Variants in NDST3 observed in about 807,000 individuals in gnomAD.
The protein encoded by NDST3 is N-deacetylase and N-sulfotransferase 3.
Under a neutral mutation model 96.1 loss-of-function variants are expected in NDST3, and 58 were observed. The observed-to-expected ratio is 0.60, with a 90% confidence interval of 0.49 to 0.75. The LOEUF (loss-of-function observed/expected upper bound fraction) is 0.75, where lower values mean the gene tolerates loss of function less well. NDST3 is among the 30% of genes least tolerant of loss of function. The pLI is 0.00. For synonymous variants in NDST3, 333 were observed against 359.7 expected (o/e 0.93, Z 0.84); for missense variants, 788 against 1,034.2 (o/e 0.76, Z 3.27).
At chr4:118,082,137 T>TG (rs1222164026) in intron 2 of NDST3, among the ~76,000 whole-genome samples, 1 of 152,136 alleles carries the variant, frequency 6.6e-6, no homozygotes, top group Non-Finnish European at 1.5e-5. Context: ...ACACAGCCTT[T>TG]GGGGGTGATT....
intron 4 of NDST3, among the ~76,000 whole-genome samples, chr4:118,136,401 C>G (rs1308851703): frequency 6.6e-6 from 1 of 152,014 alleles, no homozygotes; most frequent in Non-Finnish European, 1.5e-5. Context: ...TCACCATACC[C>G]CTAGCCTTCA....
chr4:118,090,191 C>T (rs1214640307), intron 2 of NDST3, among the ~76,000 whole-genome samples: 1 of 152,002 alleles, frequency 6.6e-6, no homozygotes, highest in African/African-American at 2.4e-5. Context: ...ATAACTAGCA[C>T]ATTCCTGCTG....
At chr4:118,238,577 T>C (rs189104500) in intron 10 of NDST3, among the ~76,000 whole-genome samples, 294 of 152,318 alleles carry the variant, frequency 1.9e-3, no homozygotes, top group African/African-American at 6.6e-3. Context: ...CTCAGTTTTG[T>C]AACTTAAAAA....
rs752620535 is a variant in NDST3 at position 118,055,026 on chromosome 4, G to A, written c.981+135G>A. On this transcript the variant is annotated intron_variant, in intron 2 of 13. Transcript: ENST00000296499. ...AAAGTCTGGGCAATCTAGGATTATC[G>A]CTCACCCTAAATCAACTAAGAAGAT... The A allele has an allele frequency of 1.7e-5, 18 of 1,052,320 alleles. 1 individual carries two copies. The highest frequency in any genetic ancestry group is 2.0e-4 in the Middle Eastern group (1 of 4,964). The allele number at this position is 1,052,320 out of a possible 1,614,324, so 65.2% of individuals were successfully genotyped here.
intron 13 of NDST3, among the ~76,000 whole-genome samples, chr4:118,254,958 C>A (rs1742021878): frequency 6.6e-6 from 1 of 152,108 alleles, no homozygotes; most frequent in Admixed American, 6.6e-5. Flanking sequence ...TTAAAATATA[C>A]CTTCAGAGCA....
intron 6 of NDST3, among the ~76,000 whole-genome samples, chr4:118,185,681 G>C (rs924527072): frequency 6.6e-6 from 1 of 152,124 alleles, no homozygotes; most frequent in Non-Finnish European, 1.5e-5. Flanking sequence ...ACAGAACATG[G>C]AAGTGGGGTA....
intron 12 of NDST3, among the ~76,000 whole-genome samples, chr4:118,252,835 G>A (rs998839163): frequency 3.3e-5 from 5 of 152,090 alleles, no homozygotes; most frequent in Admixed American, 6.5e-5. Context: ...AGGTTGCGGC[G>A]AGCCGAGATT....
chr4:118,180,793 A>G (rs553349835), intron 6 of NDST3, among the ~76,000 whole-genome samples: 4 of 152,142 alleles, frequency 2.6e-5, no homozygotes, highest in Admixed American at 2.0e-4. Context: ...CAGTCATCTT[A>G]TTTTTCAGTG....
At chr4:118,186,928 G>A (rs781558760) in intron 6 of NDST3, among the ~76,000 whole-genome samples, 39 of 152,146 alleles carry the variant, frequency 2.6e-4, no homozygotes, top group Non-Finnish European at 4.1e-4. Flanking sequence ...TCTTGAGATG[G>A]CTGCATGCAA....
rs1245865386 is a variant in NDST3 at position 118,220,921 on chromosome 4, T to G, written c.1540-3570T>G. Among the ~76,000 whole-genome samples the G allele has an allele frequency of 3.3e-5, 5 of 152,052 alleles. No individual in the cohort carries two copies. The East Asian group carries it at 9.6e-4, about 29-fold the overall frequency. ...TAACCTGAGTTAGATCTTTCCTATATGAATAAAATATATATTTCTATGGAA... is the reference window on the plus strand; with the variant it reads ...TAACCTGAGTTAGATCTTTCCTATAGGAATAAAATATATATTTCTATGGAA... On this transcript the variant is annotated intron_variant, in intron 6 of 13. Coordinates refer to ENST00000296499, the MANE Select transcript of NDST3 (RefSeq NM_004784.3).
chr4:118,093,202 T>C (rs1362568549), intron 2 of NDST3, among the ~76,000 whole-genome samples: 1 of 151,756 alleles, frequency 6.6e-6, no homozygotes, highest in Non-Finnish European at 1.5e-5. Context: ...TTTCAGAAAA[T>C]TTATTTTAGA....
At chr4:118,164,061 C>T (rs1319878102) in intron 6 of NDST3, among the ~76,000 whole-genome samples, 2 of 152,032 alleles carry the variant, frequency 1.3e-5, no homozygotes, top group African/African-American at 4.8e-5. Flanking sequence ...TGTTGCAGCA[C>T]TATTTACAAT....
chr4:118,184,215 G>C (rs906984051), intron 6 of NDST3, among the ~76,000 whole-genome samples: 1 of 152,148 alleles, frequency 6.6e-6, no homozygotes, highest in Non-Finnish European at 1.5e-5. Context: ...CCTCTGCCAT[G>C]GTTAATCTTA....
At chr4:118,213,588 T>C (rs908643621) in intron 6 of NDST3, among the ~76,000 whole-genome samples, 4 of 150,626 alleles carry the variant, frequency 2.7e-5, no homozygotes, top group East Asian at 1.9e-4. Context: ...TATATATATA[T>C]ACACATTTTA....
At position 118,255,822 on chromosome 4, in the gene NDST3, A is replaced by C; in HGVS notation, c.*110A>C. Reference sequence around the variant, plus strand: ...AAATATACCTCTTCAAATGAGAAAAAAGAACAGTTTCTTCCATGTGCTGGC... The same window carrying C: ...AAATATACCTCTTCAAATGAGAAAACAGAACAGTTTCTTCCATGTGCTGGC... On this transcript the variant is annotated 3_prime_UTR_variant, in exon 14 of 14. Transcript: ENST00000296499. The C allele has an allele frequency of 7.9e-7, 1 of 1,267,914 alleles. No individual in the cohort carries two copies. Among genetic ancestry groups the C allele is most frequent in the Non-Finnish European group, 1.1e-6 (1 of 939,694 alleles). 78.5% of individuals were successfully genotyped at this position (1,267,914 alleles called of 1,614,324 possible).
At chr4:118,124,187 T>C (rs1163448189) in intron 4 of NDST3, among the ~76,000 whole-genome samples, 1 of 152,096 alleles carries the variant, frequency 6.6e-6, no homozygotes, top group African/African-American at 2.4e-5. Flanking sequence ...AAGAAATGTA[T>C]ATTGTTTAGT....
intron 6 of NDST3, chr4:118,193,908 A>C (rs980273777): frequency 6.1e-6 from 6 of 976,258 alleles, no homozygotes; most frequent in Non-Finnish European, 9.8e-6. Context: ...CTCTTATATT[A>C]TAGTAAAGCT....
chr4:118,174,938 T>C (rs1736181066), intron 6 of NDST3, among the ~76,000 whole-genome samples: 1 of 152,170 alleles, frequency 6.6e-6, no homozygotes, highest in South Asian at 2.1e-4. Flanking sequence ...CTTGCTATGC[T>C]AAAAGCCATC....
At chr4:118,068,164 CTCTT>C (rs1436407770) in intron 2 of NDST3, among the ~76,000 whole-genome samples, 1 of 108,842 alleles carries the variant, frequency 9.2e-6, no homozygotes. Context: ...TATACTTGAT[CTCTT>C]TTTTTTTTTT....
Sources: gnomAD v4.1 joint callset for allele counts (sites outside exome capture counted in the v4.1 genomes callset) on GRCh38, gnomAD v4.1.1 for gene constraint, MANE v1.5 for transcripts, NCBI Gene and HGNC (gene_info 2026-07-23, HGNC 2026-07-21) for gene names.